CLEC9A: variants seen among roughly 807,000 people sequenced by gnomAD.
CLEC9A encodes C-type lectin domain family 9 member A.
In CLEC9A, 24 loss-of-function variants were observed where a neutral mutation model predicts 30.0. The ratio of observed to expected loss-of-function variants is 0.80; its 90% CI spans 0.58 to 1.13. The LOEUF (loss-of-function observed/expected upper bound fraction) is 1.13, where lower values mean the gene tolerates loss of function less well. Among genes scored for constraint, CLEC9A ranks in the 50% most tolerant of loss-of-function variants. CLEC9A has a pLI of 0.00. For missense variants in CLEC9A, 251 were observed against 280.9 expected (o/e 0.89, Z 0.76); for synonymous variants, 111 against 96.8 (o/e 1.15, Z -0.86).
At chr12:10,051,219 AT>A (rs1164087310) in intron 2 of CLEC9A, among the ~76,000 whole-genome samples, 12 of 151,904 alleles carry the variant, frequency 7.9e-5, no homozygotes, top group African/African-American at 2.4e-4. Context: ...AAAAAAAAAA[AT>A]GAATAAATAA....
At chr12:10,061,572 A>G (rs1865998948) in intron 6 of CLEC9A, among the ~76,000 whole-genome samples, 1 of 152,228 alleles carries the variant, frequency 6.6e-6, no homozygotes, top group South Asian at 2.1e-4. Context: ...CGTTTTATCC[A>G]GCCATTCAAA....
rs10647036 is a variant in CLEC9A at position 10,032,389 on chromosome 12, C to CTTTT, written c.-318+1433_-318+1436dup. On this transcript the variant is annotated intron_variant, in intron 1 of 8. Coordinates refer to ENST00000355819, the MANE Select transcript of CLEC9A (RefSeq NM_207345.4). ...CATCCACCTACCTCCTTAGGGATTT[C>CTTTT]TTTTTTTTTTTTTTTTTTTGAGACG... 3.6e-3 allele frequency among the ~76,000 whole-genome samples: 425 copies of CTTTT among 117,218 alleles called. 14 individuals carry two copies. The highest frequency in any genetic ancestry group is 0.024 in the East Asian group (92 of 3,840). The allele number at this position is 117,218 out of a possible 152,430, so 76.9% of individuals were successfully genotyped here.
chr12:10,063,898 C>CGTG (rs2137316073), intron 7 of CLEC9A, among the ~76,000 whole-genome samples: 1 of 152,076 alleles, frequency 6.6e-6, no homozygotes, highest in East Asian at 1.9e-4. Context: ...ATTCCAGCTA[C>CGTG]GTGGGAGGCT....
At chr12:10,032,492 G>A (rs1865707853) in intron 1 of CLEC9A, among the ~76,000 whole-genome samples, 2 of 146,292 alleles carry the variant, frequency 1.4e-5, no homozygotes, top group Non-Finnish European at 3.0e-5. Flanking sequence ...CCGGGTTCAC[G>A]CCATTCTTCC....
intron 6 of CLEC9A, 94 bp from the exon 7 acceptor site, chr12:10,062,961 G>A: frequency 9.4e-7 from 1 of 1,063,638 alleles, no homozygotes; most frequent in Non-Finnish European, 1.3e-6. Flanking sequence ...ATGAGATTCA[G>A]CCTCACTGAG....
chr12:10,054,857 T>C (rs1311711014), intron 5 of CLEC9A, among the ~76,000 whole-genome samples: 1 of 152,188 alleles, frequency 6.6e-6, no homozygotes, highest in Non-Finnish European at 1.5e-5. Flanking sequence ...TTTTATAAAA[T>C]ATAATAATTA....
At position 10,065,473 on chromosome 12, in the gene CLEC9A, C is replaced by T. The variant is rs767874117; in HGVS notation, c.594-27C>T. ...CATTTCTGAAACTCCCAAGTCTAAC[C>T]TCAGAAATGTTGACTTGCTTTTCCA... On this transcript the variant is annotated intron_variant, in intron 8 of 8. Transcript: ENST00000355819. 6.8e-6 allele frequency: 11 copies of T among 1,612,746 alleles called. No individual in the cohort carries two copies. In the African/African-American group the frequency reaches 1.3e-4, roughly 20 times the overall value.
At position 10,052,654 on chromosome 12, in the gene CLEC9A, G is replaced by A; in HGVS notation, c.-34G>A. 1 of 1,611,278 alleles carries A rather than the reference G, an allele frequency of 6.2e-7. No homozygotes were observed. Among genetic ancestry groups the A allele is most frequent in the Non-Finnish European group, 8.5e-7 (1 of 1,178,676 alleles). ...GAGGAGTTACTTGTTCCAGCCTCCT[G>A]TGTGGACTGCTTTCCTATCAAAGCA... On this transcript the variant is annotated 5_prime_UTR_variant, in exon 4 of 9. The change creates a new upstream start codon in the 5' untranslated region. Transcript: ENST00000355819.
chr12:10,043,188 C>T, intron 2 of CLEC9A: 1 of 406,134 alleles, frequency 2.5e-6, no homozygotes. Flanking sequence ...GGATTCTGAC[C>T]ATTGTGTTTA....
rs10622534 is a variant in CLEC9A, at chr12:10,064,727, C to CTT, written c.472-5_472-4insTT. ...TCATTTCACAGTTCAATTTTTGTCTCATAGGATTTTATCACTGGCAGCTTG... is the reference window on the plus strand; with the variant it reads ...TCATTTCACAGTTCAATTTTTGTCTCTTATAGGATTTTATCACTGGCAGCTTG... On this transcript the variant is annotated splice_region_variant and splice_polypyrimidine_tract_variant and intron_variant, in intron 7 of 8. Transcript: ENST00000355819. 1,598,913 of 1,610,072 alleles carry CTT rather than the reference C, an allele frequency of 0.99. 794,559 individuals carry two copies. Among genetic ancestry groups the CTT allele is most frequent in the East Asian group, 1 (44,597 of 44,598 alleles).
chr12:10,045,532 T>C, intron 2 of CLEC9A: 1 of 265,822 alleles, frequency 3.8e-6, no homozygotes. Flanking sequence ...TGTGCCTATT[T>C]TCATAATCAG....
chr12:10,062,639 C>T (rs1424778960), intron 6 of CLEC9A, among the ~76,000 whole-genome samples: 1 of 152,082 alleles, frequency 6.6e-6, no homozygotes, highest in African/African-American at 2.4e-5. Flanking sequence ...AAATTCAGGG[C>T]TTATTATTCA....
intron 1 of CLEC9A, among the ~76,000 whole-genome samples, chr12:10,032,356 T>C (rs1488770678): frequency 1.3e-5 from 2 of 150,638 alleles, no homozygotes; most frequent in African/African-American, 4.9e-5. Flanking sequence ...CATCTGTATA[T>C]TAAAATCCAT....
rs1166109319 is a variant in CLEC9A, at chr12:10,043,708, A to C, written c.-163+2088A>C. Among the ~76,000 whole-genome samples, 2 of 150,790 alleles carry C rather than the reference A, an allele frequency of 1.3e-5. 1 individual carries two copies. Among genetic ancestry groups the C allele is most frequent in the African/African-American group, 4.9e-5 (2 of 40,898 alleles). On this transcript the variant is annotated intron_variant, in intron 2 of 8. Transcript: ENST00000355819. The stretch of plus-strand genomic sequence containing the variant: ...TATATATAGACAGAGAGAGAGATGG[A>C]GTCTCGCTCTATCACCAGGCTGGAG...
At chr12:10,052,864 T>C (rs1865907494) in intron 4 of CLEC9A, 86 bp downstream of exon 4, 2 of 1,449,148 alleles carry the variant, frequency 1.4e-6, no homozygotes, top group Non-Finnish European at 1.9e-6. Flanking sequence ...AAGATGTTTA[T>C]TCTAATCCGA....
intron 2 of CLEC9A, among the ~76,000 whole-genome samples, chr12:10,043,008 C>A (rs939603402): frequency 2.0e-5 from 3 of 152,234 alleles, no homozygotes; most frequent in Middle Eastern, 3.4e-3. Context: ...ATTTTGTGTA[C>A]AATTTTACCT....
At chr12:10,047,510 A>G (rs1865856942) in intron 2 of CLEC9A, among the ~76,000 whole-genome samples, 1 of 152,236 alleles carries the variant, frequency 6.6e-6, no homozygotes, top group African/African-American at 2.4e-5. Context: ...TTCATTCCAA[A>G]TACTTAATCT....
chr12:10,050,263 G>C (rs987122384), intron 2 of CLEC9A, among the ~76,000 whole-genome samples: 2 of 152,160 alleles, frequency 1.3e-5, no homozygotes, highest in Non-Finnish European at 2.9e-5. Context: ...ATAATGAAAA[G>C]TTTTGAAATA....
chr12:10,065,536 CTG>C lies in CLEC9A; in HGVS notation c.633_634del (p.Cys211TrpfsTer12). ...AERSQSANQV[C>X]GYVKSNSLLS... ...AGAGATCCCAGTCAGCTAACCAAGT[CTG>C]TGGATACGTGAAAAGCAATTCCCTT... On this transcript the variant is annotated frameshift_variant, in exon 9 of 9. Coordinates refer to ENST00000355819, the MANE Select transcript of CLEC9A (RefSeq NM_207345.4). LOFTEE classifies it low-confidence loss of function (END_TRUNC). 2.5e-6 allele frequency: 4 copies of C among 1,613,940 alleles called. No homozygotes were observed. The highest frequency in any genetic ancestry group is 3.4e-6 in the Non-Finnish European group (4 of 1,179,884).
Sources: gnomAD v4.1 joint callset for allele counts (sites outside exome capture counted in the v4.1 genomes callset) on GRCh38, gnomAD v4.1.1 for gene constraint, MANE v1.5 for transcripts, NCBI Gene and HGNC (gene_info 2026-07-23, HGNC 2026-07-21) for gene names.